Variants in LATS2 observed in about 807,000 individuals in gnomAD.
The protein encoded by LATS2 is large tumor suppressor kinase 2, also known as serine/threonine-protein kinase LATS2.
Under a neutral mutation model 76.0 loss-of-function variants are expected in LATS2, and 24 were observed. That is an observed-to-expected ratio of 0.32 (90% CI 0.23 to 0.44). LATS2 has a LOEUF of 0.44. Ranked by LOEUF, LATS2 falls within the 20% of genes least tolerant of loss-of-function variation. The probability of loss-of-function intolerance (pLI) is 1.00; values close to 1 mark genes in which losing one functional copy is unlikely to be tolerated. For synonymous variants in LATS2, 692 were observed against 635.4 expected, an observed-to-expected ratio of 1.09 and a Z score of -1.34; for missense variants, 1,286 against 1,481.2, an observed-to-expected ratio of 0.87 and a Z score of 2.16.
At chr13:20,989,413 G>A in intron 3 of LATS2, 109 bp from the exon 4 acceptor site, 1 of 1,159,098 alleles carries the variant, frequency 8.6e-7, no homozygotes, top group Non-Finnish European at 1.2e-6. Context: ...TGAGGGTCTT[G>A]AACCCTGGGC....
intron 2 of LATS2, among the ~76,000 whole-genome samples, chr13:20,997,063 G>A (rs1237861502): frequency 6.6e-6 from 1 of 152,092 alleles, no homozygotes; most frequent in Non-Finnish European, 1.5e-5. Context: ...CCAGATAGAA[G>A]GAATTCTTCC....
At chr13:21,017,445 G>T (rs568055944) in intron 2 of LATS2, among the ~76,000 whole-genome samples, 1 of 152,156 alleles carries the variant, frequency 6.6e-6, no homozygotes, top group South Asian at 2.1e-4. Flanking sequence ...AAGGTACAGG[G>T]ATTACAGGCA....
intron 2 of LATS2, among the ~76,000 whole-genome samples, chr13:21,033,203 G>A (rs1872590344): frequency 6.6e-6 from 1 of 151,998 alleles, no homozygotes; most frequent in African/African-American, 2.4e-5. Context: ...CAAAGACAAT[G>A]TAAGCTAGGA....
chr13:21,023,591 T>C (rs1872160375), intron 2 of LATS2, among the ~76,000 whole-genome samples: 1 of 141,674 alleles, frequency 7.1e-6, no homozygotes, highest in Non-Finnish European at 1.5e-5. Flanking sequence ...GGTCTTAGGA[T>C]TTCAAAAGGA....
chr13:21,044,723 T>TGC (rs1565964527), intron 2 of LATS2, among the ~76,000 whole-genome samples: 1 of 135,854 alleles, frequency 7.4e-6, no homozygotes, highest in Non-Finnish European at 1.7e-5. Context: ...TGTGTGTGTG[T>TGC]GTGTGTGTGT....
rs558374890 is a variant in LATS2 at position 20,983,791 on chromosome 13, C to G, written c.1915G>C (p.Ala639Pro). ...QEMAKAGLCE[A>P]EQEQMRKILY... The stretch of plus-strand genomic sequence containing the variant: ...ATCTTCCGCATCTGCTCCTGCTCAG[C>G]TTCACAGAGTCCAGCCTGTGTAGAA... Residue 639 changes from alanine (A) to proline (P), a missense_variant, in exon 5 of 8, where the codon GCT becomes CCT. By Grantham distance (27) the Ala-to-Pro change is conservative (BLOSUM62 -1). Coordinates refer to ENST00000382592, the MANE Select transcript of LATS2 (RefSeq NM_014572.3). 2.5e-6 allele frequency: 4 copies of G among 1,611,696 alleles called. No homozygotes were observed. The highest frequency in any genetic ancestry group is 3.4e-6 in the Non-Finnish European group (4 of 1,179,638).
In LATS2 at chr13:20,987,961, C is replaced by G. The variant is rs761886665; in HGVS notation, c.1819G>C (p.Glu607Gln). 2 of 1,614,242 alleles carry G rather than the reference C, an allele frequency of 1.2e-6. No individual in the cohort carries two copies. The highest frequency in any genetic ancestry group is 1.7e-6 in the Non-Finnish European group (2 of 1,180,032). ...YSPYAFKFFM[E>Q]QHVENVIKTY... ...TTGATGACATTCTCCACGTGCTGCT[C>G]CATGAAGAACTTAAAGGCGTATGGC... The change falls in exon 4 of 8, where the codon GAG (glutamate) becomes CAG (glutamine). Residue 607 changes from glutamate to glutamine, a missense_variant. Transcript: ENST00000382592.
At position 20,991,053 on chromosome 13, in the gene LATS2, C is replaced by T. The variant is rs779538689; in HGVS notation, c.475+219G>A. On this transcript the variant is annotated intron_variant, in intron 3 of 7. Coordinates refer to ENST00000382592, the MANE Select transcript of LATS2 (RefSeq NM_014572.3). The surrounding 1 kb of genome is among the most constrained non-coding windows in gnomAD (Gnocchi z 4.9). ...TTCAGACAAGGCTGGATGGGGCAAG[C>T]GCCAGGCGTGTCCCACGGTCTACCA... Among the ~76,000 whole-genome samples the T allele has an allele frequency of 2.6e-5, 4 of 152,242 alleles. No homozygotes were observed. The highest frequency in any genetic ancestry group is 4.4e-5 in the Non-Finnish European group (3 of 68,042).
intron 2 of LATS2, among the ~76,000 whole-genome samples, chr13:20,995,374 T>C (rs1210816004): frequency 4.6e-5 from 7 of 152,220 alleles, no homozygotes; most frequent in Non-Finnish European, 1.0e-4. Flanking sequence ...TACCTCAGGC[T>C]GCTGTGTAAA....
At chr13:21,014,129 A>G (rs1464254394) in intron 2 of LATS2, among the ~76,000 whole-genome samples, 1 of 152,154 alleles carries the variant, frequency 6.6e-6, no homozygotes, top group Non-Finnish European at 1.5e-5. Flanking sequence ...GGAAAAACAG[A>G]TAAAAGTATT....
intron 5 of LATS2, among the ~76,000 whole-genome samples, chr13:20,982,964 C>G (rs1017149188): frequency 1.4e-5 from 2 of 138,466 alleles, no homozygotes; most frequent in African/African-American, 2.7e-5. Context: ...TGCACTCCAG[C>G]CTGGGCAACA....
chr13:21,048,856 A>G (rs1320673457), intron 1 of LATS2, among the ~76,000 whole-genome samples: 2 of 148,334 alleles, frequency 1.3e-5, no homozygotes, highest in Non-Finnish European at 2.9e-5. Flanking sequence ...AAAAATAAAA[A>G]TAAAAATAAA....
chr13:21,057,025 G>GT (rs1225639123), intron 1 of LATS2, among the ~76,000 whole-genome samples: 2 of 152,212 alleles, frequency 1.3e-5, no homozygotes, highest in Non-Finnish European at 2.9e-5. Flanking sequence ...AGACTCCCGA[G>GT]TAAGAATGGA....
intron 2 of LATS2, among the ~76,000 whole-genome samples, chr13:21,019,025 A>G (rs1240009814): frequency 6.6e-6 from 1 of 152,140 alleles, no homozygotes; most frequent in Non-Finnish European, 1.5e-5. Context: ...TAAATGGCCC[A>G]GTAGCTCTGT....
At chr13:21,012,508 C>T (rs2253147) in intron 2 of LATS2, among the ~76,000 whole-genome samples, 150,651 of 152,382 alleles carry the variant, frequency 0.99, 74,494 homozygotes, top group East Asian at 1. Context: ...CGTGGTTGCC[C>T]GAAACATCGT....
rs1310017636 is a variant in LATS2, at chr13:20,990,480, TTTTTTTTA to T, written c.475+784_475+791del. On this transcript the variant is annotated intron_variant, in intron 3 of 7. Transcript: ENST00000382592. Reference sequence around the variant, plus strand: ...ACTAGGATTTTTTTTTTTTTTTTTTTTTTTTTTAAATACAGACGAGGTCTCCCTCTGTT... The same window carrying T: ...ACTAGGATTTTTTTTTTTTTTTTTTTAATACAGACGAGGTCTCCCTCTGTT... Among the ~76,000 whole-genome samples, 81 of 136,932 alleles carry T rather than the reference TTTTTTTTA, an allele frequency of 5.9e-4. 2 individuals are homozygous for T. In the South Asian group the frequency reaches 0.013, roughly 22 times the overall value. 89.8% of individuals were successfully genotyped at this position (136,932 alleles called of 152,430 possible).
At chr13:21,039,038 AG>A (rs1872778711) in intron 2 of LATS2, among the ~76,000 whole-genome samples, 1 of 152,166 alleles carries the variant, frequency 6.6e-6, no homozygotes, top group South Asian at 2.1e-4. Context: ...TATGACACAG[AG>A]GGGTATGCTT....
intron 2 of LATS2, among the ~76,000 whole-genome samples, chr13:21,035,154 T>C (rs575614533): frequency 6.6e-6 from 1 of 152,024 alleles, no homozygotes; most frequent in Non-Finnish European, 1.5e-5. Flanking sequence ...ATATAAAAAA[T>C]TGCATGATGA....
chr13:20,998,752 G>GGGGCGGGGCCCGAGGCC (rs1005518665), intron 2 of LATS2, among the ~76,000 whole-genome samples: 10 of 152,218 alleles, frequency 6.6e-5, no homozygotes, highest in African/African-American at 2.4e-4. Flanking sequence ...GGGGCGAGGC[G>GGGGCGGGGCCCGAGGCC]GGGCGGGGCC....
Sources: gnomAD v4.1 joint callset for allele counts (sites outside exome capture counted in the v4.1 genomes callset) on GRCh38, gnomAD v4.1.1 for gene constraint, Gnocchi (gnomAD v3.1) non-coding constraint, MANE v1.5 for transcripts, NCBI Gene and HGNC (gene_info 2026-07-23, HGNC 2026-07-21) for gene names.